Variants in HERC2 observed in about 807,000 individuals in gnomAD.
HERC2 encodes HECT and RLD domain containing E3 ubiquitin protein ligase 2.
A neutral mutation model predicts 537.7 loss-of-function variants in HERC2; 102 were observed. The ratio of observed to expected loss-of-function variants is 0.19; its 90% CI spans 0.16 to 0.22. The LOEUF is 0.22. Ranked by LOEUF, HERC2 falls within the 10% of genes least tolerant of loss-of-function variation. HERC2 has a pLI of 1.00. For missense variants in HERC2, 4,236 were observed against 6,198.2 expected, an observed-to-expected ratio of 0.68 and a Z score of 10.63; for synonymous variants, 2,224 against 2,466.2, an observed-to-expected ratio of 0.90 and a Z score of 2.91.
intron 70 of HERC2, among the ~76,000 whole-genome samples, chr15:28,151,537 G>A (rs1892450771): frequency 6.6e-6 from 1 of 151,976 alleles, no homozygotes; most frequent in African/African-American, 2.4e-5. Flanking sequence ...GTATCAGTAT[G>A]AACTCAAAAG....
intron 44 of HERC2, among the ~76,000 whole-genome samples, chr15:28,206,797 C>A (rs1368645616): frequency 7.4e-6 from 1 of 135,368 alleles, no homozygotes; most frequent in Non-Finnish European, 1.5e-5. Flanking sequence ...TGTGCCACTG[C>A]ACTCCAGCCT....
chr15:28,151,381 A>G (rs1213830700), intron 70 of HERC2, among the ~76,000 whole-genome samples: 3 of 152,208 alleles, frequency 2.0e-5, no homozygotes, highest in Non-Finnish European at 4.4e-5. Context: ...AGGCAGGAGG[A>G]TCACTTGAGC....
intron 38 of HERC2, among the ~76,000 whole-genome samples, chr15:28,217,501 A>G (rs1369868077): frequency 1.3e-5 from 2 of 152,104 alleles, no homozygotes; most frequent in Non-Finnish European, 2.9e-5. Context: ...GGACGCCCAC[A>G]TACCCACCCA....
intron 35 of HERC2, among the ~76,000 whole-genome samples, chr15:28,226,502 C>T (rs897903734): frequency 2.0e-5 from 3 of 152,026 alleles, no homozygotes; most frequent in Non-Finnish European, 4.4e-5. Context: ...CCCAGAACTT[C>T]AGGGAAAGAA....
chr15:28,165,360 A>C (rs1894022701), intron 68 of HERC2, among the ~76,000 whole-genome samples: 2 of 152,236 alleles, frequency 1.3e-5, no homozygotes, highest in African/African-American at 4.8e-5. Flanking sequence ...TGATGACAGG[A>C]GCCAGGTTTC....
intron 5 of HERC2, among the ~76,000 whole-genome samples, chr15:28,279,657 T>C (rs1326975862): frequency 7.9e-6 from 1 of 127,326 alleles, no homozygotes; most frequent in East Asian, 2.9e-4. Flanking sequence ...ACACAAATTG[T>C]TTTTATTTAG....
chr15:28,276,112 G>A (rs138748705), intron 5 of HERC2, among the ~76,000 whole-genome samples: 1 of 148,632 alleles, frequency 6.7e-6, no homozygotes, highest in East Asian at 2.0e-4. Flanking sequence ...CTTAAACCTG[G>A]GAGACAAAGG....
chr15:28,218,455 T>G, intron 38 of HERC2, 34 bp downstream of exon 38: 1 of 1,551,238 alleles, frequency 6.4e-7, no homozygotes, highest in Non-Finnish European at 8.7e-7. Flanking sequence ...CCCCCAGCGC[T>G]GACTCCCTGG....
intron 69 of HERC2, among the ~76,000 whole-genome samples, chr15:28,159,806 C>T (rs1364446195): frequency 6.6e-6 from 1 of 152,222 alleles, no homozygotes; most frequent in Non-Finnish European, 1.5e-5. Context: ...AGGAGAGATG[C>T]TCTGATTTTT....
intron 63 of HERC2, among the ~76,000 whole-genome samples, 188 bp from the exon 64 acceptor site, chr15:28,175,844 A>G (rs565970057): frequency 6.6e-6 from 1 of 152,284 alleles, no homozygotes; most frequent in African/African-American, 2.4e-5. Context: ...GCCAGCTGGG[A>G]AAAACCTTAA....
intron 9 of HERC2, 97 bp downstream of exon 9, chr15:28,272,118 A>C: frequency 8.9e-7 from 1 of 1,125,426 alleles, no homozygotes; most frequent in Non-Finnish European, 1.3e-6. Context: ...CACACACGCC[A>C]GAGAAAAACA....
chr15:28,214,868 ATTTT>A, intron 39 of HERC2, 66 bp from the exon 40 acceptor site: 1 of 1,329,050 alleles, frequency 7.5e-7, no homozygotes, highest in South Asian at 1.3e-5. Flanking sequence ...ACAGATTGTT[ATTTT>A]TTTATTTTTT....
intron 5 of HERC2, among the ~76,000 whole-genome samples, chr15:28,275,759 C>A (rs1268987486): frequency 6.8e-6 from 1 of 146,394 alleles, no homozygotes; most frequent in South Asian, 2.2e-4. Context: ...CTCCAGCCTG[C>A]GAGACAGAGC....
intron 45 of HERC2, among the ~76,000 whole-genome samples, chr15:28,204,339 T>TGG (rs1898178752): frequency 6.6e-6 from 1 of 152,140 alleles, no homozygotes; most frequent in South Asian, 2.1e-4. Context: ...AAGATAGATT[T>TGG]GGCCAGGCAC....
chr15:28,114,001 G>C (rs1412923382), intron 90 of HERC2, among the ~76,000 whole-genome samples: 1 of 152,174 alleles, frequency 6.6e-6, no homozygotes, highest in African/African-American at 2.4e-5. Context: ...ATCCGCCCCA[G>C]GCCCGAGACA....
Position 28,238,697 on chromosome 15 carries a change from T to A in HERC2, c.3653A>T (p.His1218Leu). The A allele has an allele frequency of 6.2e-7, 1 of 1,611,568 alleles. No individual in the cohort carries two copies. Among genetic ancestry groups the A allele is most frequent in the Non-Finnish European group, 8.5e-7 (1 of 1,179,406 alleles). ...AGTCCAGAAGCCTCCATCTTTATTA[T>A]GGTTCTCCAAATCAGCTTTGCGTAT... ...TLIRKADLEN[H>L]NKDGGFWTVI... Residue 1218 changes from histidine to leucine, a missense_variant, in exon 24 of 93, where the codon CAT becomes CTT. Around this residue, in one of 27 missense-constraint regions of HERC2, gnomAD observed 754 missense variants for 1,085.0 expected, o/e 0.69. Coordinates refer to ENST00000261609, the MANE Select transcript of HERC2 (RefSeq NM_004667.6).
chr15:28,315,442 C>T (rs1459620853), intron 2 of HERC2, among the ~76,000 whole-genome samples: 4 of 152,328 alleles, frequency 2.6e-5, no homozygotes, highest in Non-Finnish European at 4.4e-5. Flanking sequence ...TCTATGGGGT[C>T]GGACAAGGTT....
chr15:28,275,667 C>T (rs951319433), intron 5 of HERC2, among the ~76,000 whole-genome samples: 1 of 151,970 alleles, frequency 6.6e-6, no homozygotes, highest in Non-Finnish European at 1.5e-5. Flanking sequence ...TACAAAAATG[C>T]ATATATAGGG....
intron 5 of HERC2, among the ~76,000 whole-genome samples, chr15:28,275,609 T>C (rs1034366844): frequency 2.6e-5 from 4 of 152,176 alleles, no homozygotes; most frequent in Non-Finnish European, 4.4e-5. Context: ...AGGTTATGCA[T>C]ATGGTACACC....
Sources: allele counts gnomAD v4.1 joint callset (sites outside exome capture counted in the v4.1 genomes callset), GRCh38; gene constraint gnomAD v4.1.1; regional missense constraint gnomAD v4.1.1; transcripts MANE v1.5; gene names NCBI Gene and HGNC (gene_info 2026-07-23, HGNC 2026-07-21).